DPH7: variants seen among roughly 807,000 people sequenced by gnomAD.
DPH7 encodes the protein diphthamide biosynthesis 7, also known as diphthine methyltransferase.
DPH7 carries 44 observed loss-of-function variants against 41.7 expected under a neutral mutation model. The ratio of observed to expected loss-of-function variants is 1.05; its 90% confidence interval spans 0.83 to 1.36. The LOEUF is 1.36. DPH7 is among the 40% of genes most tolerant of loss of function. DPH7 has a pLI of 0.00. For missense variants in DPH7, 629 were observed against 577.5 expected, an observed-to-expected ratio of 1.09 and a Z score of -0.91; for synonymous variants, 275 against 238.0, an observed-to-expected ratio of 1.16 and a Z score of -1.43.
chr9:137,574,414 G>T, intron 4 of DPH7, 34 bp from the exon 5 acceptor site: 1 of 1,603,406 alleles, frequency 6.2e-7, no homozygotes, highest in Non-Finnish European at 8.5e-7. Context: ...AAGCCCGGCA[G>T]AATGTTATTC....
chr9:137,562,462 G>T (rs1351026025), intron 8 of DPH7, among the ~76,000 whole-genome samples: 3 of 152,100 alleles, frequency 2.0e-5, no homozygotes, highest in African/African-American at 7.2e-5. Context: ...ATAACCAATG[G>T]TCGAAGAAAA....
rs371321554 is a variant in DPH7 at position 137,564,607 on chromosome 9, C to T, written c.777-1G>A. The stretch of plus-strand genomic sequence containing the variant: ...CCACAGTAGGATGTGTTCATCATAG[C>T]TGAAACCGACCAACCACAGGAGGCA... On this transcript the variant is annotated splice_acceptor_variant, in intron 7 of 8. Transcript: ENST00000277540. LOFTEE classifies it high-confidence loss of function. 1.6e-5 allele frequency: 26 copies of T among 1,608,278 alleles called. No homozygotes were observed. Among genetic ancestry groups the T allele is most frequent in the Non-Finnish European group, 2.1e-5 (25 of 1,175,456 alleles).
Position 137,559,193 on chromosome 9 carries a change from G to C in DPH7, c.950-3545C>G, listed in dbSNP as rs1244885479. 3.3e-5 allele frequency among the ~76,000 whole-genome samples: 5 copies of C among 152,170 alleles called. No individual in the cohort carries two copies. In the East Asian group the frequency reaches 9.6e-4, roughly 29 times the overall value. On this transcript the variant is annotated intron_variant, in intron 8 of 8. Coordinates refer to ENST00000277540, the MANE Select transcript of DPH7 (RefSeq NM_138778.5). Reference sequence around the variant, plus strand: ...TACAATCATAACCTAGGAAAAACCAGGCCATACAGAGATAGGAGCTGAGGG... The same window carrying C: ...TACAATCATAACCTAGGAAAAACCACGCCATACAGAGATAGGAGCTGAGGG...
At chr9:137,578,046 G>C in intron 1 of DPH7, 1 of 973,228 alleles carries the variant, frequency 1.0e-6, no homozygotes, top group Non-Finnish European at 1.2e-6. Context: ...GGCCGGGGGC[G>C]GTGGCTCGTG....
chr9:137,556,727 A>G lies in DPH7; in HGVS notation c.950-1079T>C. The G allele has an allele frequency of 4.5e-6, 2 of 439,646 alleles. No homozygotes were observed. Among genetic ancestry groups the G allele is most frequent in the South Asian group, 3.2e-5 (2 of 62,632 alleles). 27.2% of individuals were successfully genotyped at this position (439,646 alleles called of 1,614,324 possible). A position where few individuals can be genotyped will look rare whatever the true frequency, so the allele number is the denominator to read the frequency against. ...AGGCCGTTACTGTCCCTTGGGAGGTAGCGTCACAGGGCAGGCAGGACCTCC... is the reference window on the plus strand; with the variant it reads ...AGGCCGTTACTGTCCCTTGGGAGGTGGCGTCACAGGGCAGGCAGGACCTCC... On this transcript the variant is annotated intron_variant, in intron 8 of 8. Coordinates refer to ENST00000277540, the MANE Select transcript of DPH7 (RefSeq NM_138778.5). The surrounding 1 kb of genome is among the most constrained non-coding windows in gnomAD (Gnocchi z 5.2).
intron 5 of DPH7, among the ~76,000 whole-genome samples, chr9:137,571,647 G>A (rs1201102694): frequency 6.6e-6 from 1 of 151,826 alleles, no homozygotes; most frequent in Non-Finnish European, 1.5e-5. Flanking sequence ...AATTAGCCGG[G>A]CATGGCGGCA....
chr9:137,564,531 C>T lies in DPH7; in HGVS notation c.852G>A (p.Gly284=), dbSNP rs1160328160. The T allele has an allele frequency of 1.2e-6, 2 of 1,614,128 alleles. No individual in the cohort carries two copies. The highest frequency in any genetic ancestry group is 1.1e-5 in the South Asian group (1 of 91,084). The change falls in exon 8 of 9, where the codon GGG becomes GGA. Residue 284 remains glycine (G), a synonymous_variant. Coordinates refer to ENST00000277540, the MANE Select transcript of DPH7 (RefSeq NM_138778.5). ...AAGGGTGCCACTTGATTCTCCATAC[C>T]CCACCCTGCACAGGCGTATCTGCCA... is the stretch of plus-strand genomic sequence containing the variant. ...QPLADTPVQG[G]VWRIKWHPFH...
chr9:137,577,029 G>C (rs1841529519), intron 2 of DPH7, among the ~76,000 whole-genome samples: 2 of 149,964 alleles, frequency 1.3e-5, no homozygotes, highest in African/African-American at 5.0e-5. Flanking sequence ...ATTCCAGCCT[G>C]GGCAACGGAA....
intron 7 of DPH7, 42 bp downstream of exon 7, chr9:137,564,851 C>A (rs757973816): frequency 5.0e-5 from 78 of 1,567,200 alleles, no homozygotes; most frequent in Non-Finnish European, 6.6e-5. Context: ...CCGGGGACAG[C>A]GAAAGAGACG....
intron 3 of DPH7, 68 bp downstream of exon 3, chr9:137,576,005 TATCAGCA>T: frequency 1.3e-6 from 2 of 1,599,978 alleles, no homozygotes; most frequent in Non-Finnish European, 1.7e-6. Flanking sequence ...AAAATGTCTG[TATCAGCA>T]CAGCCTCCTC....
At chr9:137,573,051 G>A (rs1302959476) in intron 5 of DPH7, among the ~76,000 whole-genome samples, 1 of 152,198 alleles carries the variant, frequency 6.6e-6, no homozygotes, top group African/African-American at 2.4e-5. Flanking sequence ...CCTGAGGCAA[G>A]CTATACTTTG....
chr9:137,578,357 G>A (rs949257075), intron 1 of DPH7, among the ~76,000 whole-genome samples: 7 of 152,234 alleles, frequency 4.6e-5, no homozygotes, highest in South Asian at 2.1e-4. Flanking sequence ...TAGTAGAGAC[G>A]GGGTTTCACC....
chr9:137,577,918 A>G (rs1841709669), intron 1 of DPH7: 2 of 972,560 alleles, frequency 2.1e-6, no homozygotes, highest in Non-Finnish European at 2.4e-6. Context: ...TTGGATCCTA[A>G]TATGTACCCA....
rs1034862767 is a variant in DPH7 at position 137,556,736 on chromosome 9, G to C, written c.950-1088C>G. The C allele has an allele frequency of 1.1e-5, 5 of 447,940 alleles. No individual in the cohort carries two copies. Among genetic ancestry groups the C allele is most frequent in the Non-Finnish European group, 1.8e-5 (4 of 222,758 alleles). 27.7% of individuals were successfully genotyped at this position (447,940 alleles called of 1,614,324 possible). A position where few individuals can be genotyped will look rare whatever the true frequency, so the allele number is the denominator to read the frequency against. On this transcript the variant is annotated intron_variant, in intron 8 of 8. Transcript: ENST00000277540. The surrounding 1 kb of genome is among the most constrained non-coding windows in gnomAD (Gnocchi z 5.2). ...CTGTCCCTTGGGAGGTAGCGTCACAGGGCAGGCAGGACCTCCGCTAGTCTT... is the reference window on the plus strand; with the variant it reads ...CTGTCCCTTGGGAGGTAGCGTCACACGGCAGGCAGGACCTCCGCTAGTCTT...
At chr9:137,576,004 G>A (rs1841316773) in intron 3 of DPH7, 76 bp downstream of exon 3, 29 of 1,598,786 alleles carry the variant, frequency 1.8e-5, no homozygotes, top group Non-Finnish European at 2.5e-5. Context: ...AAAAATGTCT[G>A]TATCAGCACA....
At chr9:137,576,480 G>A (rs996326489) in intron 2 of DPH7, 5 of 306,324 alleles carry the variant, frequency 1.6e-5, no homozygotes, top group African/African-American at 4.2e-5. Flanking sequence ...GCTCACACTT[G>A]TAACCCCAAC....
At position 137,555,269 on chromosome 9, in the gene DPH7, C is replaced by T. The variant is rs142239210; in HGVS notation, c.1329G>A (p.Ala443=). The part of the protein sequence containing the change: ...LLATCSFYDH[A]LHLWEWEGN The stretch of plus-strand genomic sequence containing the variant: ...TCCCCTCCCACTCCCAGAGGTGGAG[C>T]GCATGGTCATAGAAGGAGCAGGTGG... The change falls in exon 9 of 9, where the codon GCG becomes GCA. Residue 443 remains alanine (A), a synonymous_variant. Transcript: ENST00000277540. 6.8e-6 allele frequency: 11 copies of T among 1,610,332 alleles called. No homozygotes were observed. Among genetic ancestry groups the T allele is most frequent in the South Asian group, 3.3e-5 (3 of 90,620 alleles).
Position 137,578,667 on chromosome 9 carries a change from C to G in DPH7, c.111G>C (p.Gln37His). The change falls in exon 1 of 9, where the codon CAG becomes CAC. Residue 37 changes from glutamine to histidine, a missense_variant. Gln to His is a conservative substitution (Grantham distance 24). Transcript: ENST00000277540. ...CAGGCCGGTCCTCCGGCCGCCGCAG[C>G]TGGTAGGTCCCGCACGCCAGCAGGT... ...CRHLLACGTY[Q>H]LRRPEDRPAG... The G allele has an allele frequency of 6.6e-7, 1 of 1,525,416 alleles. No homozygotes were observed. The highest frequency in any genetic ancestry group is 8.8e-7 in the Non-Finnish European group (1 of 1,138,604). 94.5% of individuals were successfully genotyped at this position (1,525,416 alleles called of 1,614,324 possible).
rs186234063 is a variant in DPH7, at chr9:137,575,539, C to T, written c.375+541G>A. 42 of 992,784 alleles carry T rather than the reference C, an allele frequency of 4.2e-5. No homozygotes were observed. The East Asian group carries it at 4.0e-3, about 95-fold the overall frequency. The allele number at this position is 992,784 out of a possible 1,614,324, so 61.5% of individuals were successfully genotyped here. ...TACACAGGCCCTCGGTTGGCCCAGC[C>T]CCGCCTGCAGCATCTGCATCGGAGT... is the stretch of plus-strand genomic sequence containing the variant. On this transcript the variant is annotated intron_variant, in intron 3 of 8. Transcript: ENST00000277540.
Sources: allele counts gnomAD v4.1 joint callset (sites outside exome capture counted in the v4.1 genomes callset), GRCh38; gene constraint gnomAD v4.1.1; non-coding constraint Gnocchi (gnomAD v3.1); transcripts MANE v1.5; gene names NCBI Gene and HGNC (gene_info 2026-07-23, HGNC 2026-07-21).